AGO3: variants seen among roughly 807,000 people sequenced by gnomAD.
The protein encoded by AGO3 is protein argonaute-3.
A neutral mutation model predicts 105.5 loss-of-function variants in AGO3; 16 were observed. The observed-to-expected ratio is 0.15, with a 90% CI of 0.10 to 0.23. The LOEUF is 0.23. Among genes scored for constraint, AGO3 ranks in the 10% least tolerant of loss-of-function variants. The pLI, the probability that AGO3 is intolerant of heterozygous loss-of-function variation, is 1.00. For synonymous variants in AGO3, 340 were observed against 367.3 expected (o/e 0.93, Z 0.85); for missense variants, 534 against 1,088.0 (o/e 0.49, Z 7.16).
intron 13 of AGO3, 111 bp downstream of exon 13, chr1:36,034,444 C>A (rs1641916797): frequency 1.4e-5 from 10 of 692,086 alleles, no homozygotes; most frequent in Middle Eastern, 4.7e-4. Flanking sequence ...TTAATAATTC[C>A]TACTATGGGA....
rs1284233344 is a variant in AGO3, at chr1:36,072,100, C to A, written c.*16355C>A. The A allele has an allele frequency of 6.6e-6, 1 of 152,018 alleles. No individual in the cohort carries two copies. Among genetic ancestry groups the A allele is most frequent in the Non-Finnish European group, 1.5e-5 (1 of 68,012 alleles). The allele number at this position is 152,018 out of a possible 1,614,324, so 9.4% of individuals were successfully genotyped here. A position where few individuals can be genotyped will look rare whatever the true frequency, so the allele number is the denominator to read the frequency against. The stretch of plus-strand genomic sequence containing the variant: ...TTCTTTTTCAGTTAAACTATCTTCC[C>A]CACAAAAAATATTATACTTCAGTTA... On this transcript the variant is annotated 3_prime_UTR_variant, in exon 19 of 19. Coordinates refer to ENST00000373191, the MANE Select transcript of AGO3 (RefSeq NM_024852.4).
At position 36,027,704 on chromosome 1, in the gene AGO3, A is replaced by G. The variant is rs957592247; in HGVS notation, c.1591+406A>G. Among the ~76,000 whole-genome samples, 45 of 151,590 alleles carry G rather than the reference A, an allele frequency of 3.0e-4. No homozygotes were observed. The highest frequency in any genetic ancestry group is 3.1e-4 in the Non-Finnish European group (21 of 67,908). ...TGAGGCAGGAGAATGGCGTGAACCC[A>G]GGAGGTGGAGCTTGCAGTGAGCCGA... On this transcript the variant is annotated intron_variant, in intron 12 of 18. Transcript: ENST00000373191. This position sits in a 1 kb window ranked among gnomAD's most constrained non-coding sequence, Gnocchi z 4.0.
At chr1:36,034,065 G>A (rs1218849594) in intron 12 of AGO3, 109 bp from the exon 13 acceptor site, 1 of 1,146,732 alleles carries the variant, frequency 8.7e-7, no homozygotes, top group African/African-American at 1.6e-5. Context: ...TTGGTATCCT[G>A]TAATACAATG....
At chr1:35,983,469 A>G (rs904046468) in intron 5 of AGO3, 1 of 151,620 alleles carries the variant, frequency 6.6e-6, no homozygotes, top group African/African-American at 2.4e-5. Flanking sequence ...GCGTACTTGT[A>G]GTCCCAGCTG....
intron 5 of AGO3, among the ~76,000 whole-genome samples, chr1:36,000,846 C>G (rs973299197): frequency 6.8e-6 from 1 of 147,386 alleles, no homozygotes; most frequent in Non-Finnish European, 1.5e-5. Flanking sequence ...AACAGTCTCT[C>G]TTTTTTTTTT....
chr1:36,029,359 T>G (rs2148836723), intron 12 of AGO3, among the ~76,000 whole-genome samples: 1 of 151,358 alleles, frequency 6.6e-6, no homozygotes, highest in Admixed American at 6.6e-5. Context: ...TTTGACTGAG[T>G]ACTGAGTAAA....
intron 2 of AGO3, among the ~76,000 whole-genome samples, chr1:35,946,696 T>C (rs1393884468): frequency 6.6e-6 from 1 of 152,246 alleles, no homozygotes; most frequent in African/African-American, 2.4e-5. Context: ...AAGGTCTTTT[T>C]CTTGGACTTG....
chr1:35,997,257 T>A (rs1639871133), intron 5 of AGO3, among the ~76,000 whole-genome samples: 1 of 151,832 alleles, frequency 6.6e-6, no homozygotes, highest in Admixed American at 6.6e-5. Context: ...CCAGCCTGGG[T>A]GACAAAGTGA....
chr1:36,053,429 G>A (rs902241972), intron 17 of AGO3, among the ~76,000 whole-genome samples: 2 of 151,642 alleles, frequency 1.3e-5, no homozygotes, highest in African/African-American at 4.8e-5. Flanking sequence ...ACAGGCACAT[G>A]CCACTACACC....
chr1:35,997,367 G>A (rs1394053853), intron 5 of AGO3, among the ~76,000 whole-genome samples: 1 of 152,162 alleles, frequency 6.6e-6, no homozygotes, highest in Non-Finnish European at 1.5e-5. Flanking sequence ...TTTGACTTCC[G>A]ATTTTTCAAC....
rs578232046 is a variant in AGO3 at position 36,058,296 on chromosome 1, G to A, written c.*2551G>A. On this transcript the variant is annotated 3_prime_UTR_variant, in exon 19 of 19. Transcript: ENST00000373191. ...TTTAAATCAGTTAAATCACTGAAAC[G>A]TGGGAAATTGTTTTACAAAACTTTT... 4 of 152,134 alleles carry A rather than the reference G, an allele frequency of 2.6e-5. No individual in the cohort carries two copies. Among genetic ancestry groups the A allele is most frequent in the East Asian group, 3.8e-4 (2 of 5,200 alleles). 9.4% of individuals were successfully genotyped at this position (152,134 alleles called of 1,614,324 possible).
Position 36,030,814 on chromosome 1 carries a change from A to G in AGO3, c.1592-3360A>G, listed in dbSNP as rs532840333. 3.9e-5 allele frequency among the ~76,000 whole-genome samples: 6 copies of G among 152,102 alleles called. No individual in the cohort carries two copies. The East Asian group carries it at 1.2e-3, about 29-fold the overall frequency. On this transcript the variant is annotated intron_variant, in intron 12 of 18. Transcript: ENST00000373191. The stretch of plus-strand genomic sequence containing the variant: ...TTAATTGAGCATTTTGTATAATTCT[A>G]TTTTTCATTCTCTTTTAACATATTA...
intron 5 of AGO3, among the ~76,000 whole-genome samples, chr1:35,994,593 G>C (rs1405096221): frequency 1.4e-5 from 2 of 144,316 alleles, no homozygotes; most frequent in East Asian, 4.6e-4. Context: ...ATAAAACTCT[G>C]TTTGTAGAAG....
At position 36,062,156 on chromosome 1, in the gene AGO3, A is replaced by T. The variant is rs529353112; in HGVS notation, c.*6411A>T. ...GAATCATAGGCAACATTTTCTAATT[A>T]ATCTTTTTTTTTTTTTTTTTTTTTG... On this transcript the variant is annotated 3_prime_UTR_variant, in exon 19 of 19. Transcript: ENST00000373191. 1 of 150,886 alleles carries T rather than the reference A, an allele frequency of 6.6e-6. No homozygotes were observed. Among genetic ancestry groups the T allele is most frequent in the East Asian group, 1.9e-4 (1 of 5,172 alleles). 9.3% of individuals were successfully genotyped at this position (150,886 alleles called of 1,614,324 possible). A position where few individuals can be genotyped will look rare whatever the true frequency, so the allele number is the denominator to read the frequency against.
intron 5 of AGO3, among the ~76,000 whole-genome samples, chr1:35,997,023 ATC>A (rs1477070148): frequency 6.6e-6 from 1 of 152,262 alleles, no homozygotes; most frequent in East Asian, 1.9e-4. Flanking sequence ...CTCGCCTGTG[ATC>A]TCAGCACTTT....
rs59873910 is a variant in AGO3 at position 35,943,601 on chromosome 1, C to CTTTT, written c.20-2076_20-2073dup. On this transcript the variant is annotated intron_variant, in intron 1 of 18. Coordinates refer to ENST00000373191, the MANE Select transcript of AGO3 (RefSeq NM_024852.4). ...CAGGTGTGAGCCACCACCCCCAGCC[C>CTTTT]TTTTTTTTTTTTTTTTTTAAGTAAA... 1.8e-3 allele frequency among the ~76,000 whole-genome samples: 217 copies of CTTTT among 123,428 alleles called. 2 individuals carry two copies. The highest frequency in any genetic ancestry group is 6.1e-3 in the African/African-American group (200 of 32,592). The allele number at this position is 123,428 out of a possible 152,430, so 81.0% of individuals were successfully genotyped here. A position where few individuals can be genotyped will look rare whatever the true frequency, so the allele number is the denominator to read the frequency against.
rs1379975808 is a variant in AGO3 at position 36,069,637 on chromosome 1, A to G, written c.*13892A>G. On this transcript the variant is annotated 3_prime_UTR_variant, in exon 19 of 19. Coordinates refer to ENST00000373191, the MANE Select transcript of AGO3 (RefSeq NM_024852.4). ...GTTTCTTCCCTGCAAGATATCCAGC[A>G]CACAGGCTGAATTTTTCTTTATAAT... is the stretch of plus-strand genomic sequence containing the variant. 1 of 152,260 alleles carries G rather than the reference A, an allele frequency of 6.6e-6. No homozygotes were observed. Among genetic ancestry groups the G allele is most frequent in the African/African-American group, 2.4e-5 (1 of 41,456 alleles). 9.4% of individuals were successfully genotyped at this position (152,260 alleles called of 1,614,324 possible).
At chr1:36,041,235 C>CTTTTTT (rs958423621) in intron 16 of AGO3, among the ~76,000 whole-genome samples, 30 of 86,400 alleles carry the variant, frequency 3.5e-4, no homozygotes, top group Non-Finnish European at 4.5e-4. Context: ...AATATGTTTT[C>CTTTTTT]TTTTTTTTTT....
intron 12 of AGO3, among the ~76,000 whole-genome samples, chr1:36,032,453 T>A (rs961076222): frequency 6.6e-6 from 1 of 152,076 alleles, no homozygotes; most frequent in African/African-American, 2.4e-5. Context: ...ACGATCATAG[T>A]TCACTGCAGC....
Sources: allele counts gnomAD v4.1 joint callset (sites outside exome capture counted in the v4.1 genomes callset), GRCh38; gene constraint gnomAD v4.1.1; non-coding constraint Gnocchi (gnomAD v3.1); transcripts MANE v1.5; gene names NCBI Gene and HGNC (gene_info 2026-07-23, HGNC 2026-07-21).